Variants in DPP6 observed in about 807,000 individuals in gnomAD.
DPP6 encodes the protein A-type potassium channel modulatory protein DPP6.
Under a neutral mutation model 122.6 loss-of-function variants are expected in DPP6, and 69 were observed. The observed-to-expected ratio is 0.56, with a 90% CI of 0.46 to 0.69. The LOEUF (loss-of-function observed/expected upper bound fraction) is 0.69, where lower values mean the gene tolerates loss of function less well. Among genes scored for constraint, DPP6 ranks in the 30% least tolerant of loss-of-function variants. The pLI is 0.00. For missense variants in DPP6, 928 were observed against 1,116.9 expected (o/e 0.83, Z 2.41); for synonymous variants, 418 against 433.1 (o/e 0.97, Z 0.43).
At chr7:154,414,860 C>T (rs1435099778) in intron 1 of DPP6, among the ~76,000 whole-genome samples, 4 of 152,190 alleles carry the variant, frequency 2.6e-5, no homozygotes, top group Non-Finnish European at 5.9e-5. Context: ...ATACACGAGT[C>T]CAAATCTGAA....
At chr7:154,238,607 G>C (rs1801372871) in intron 1 of DPP6, among the ~76,000 whole-genome samples, 1 of 152,228 alleles carries the variant, frequency 6.6e-6, no homozygotes, top group Non-Finnish European at 1.5e-5. Context: ...GGAAGTAGCA[G>C]AGCTGGGATT....
chr7:154,216,609 C>G (rs1327308872), intron 1 of DPP6, among the ~76,000 whole-genome samples: 1 of 152,144 alleles, frequency 6.6e-6, no homozygotes, highest in African/African-American at 2.4e-5. Context: ...TGATGATCCT[C>G]TCTTCTAAAA....
the DPP6 span, among the ~76,000 whole-genome samples, chr7:153,830,464 C>G: frequency 6.6e-6 from 1 of 152,166 alleles, no homozygotes; most frequent in Non-Finnish European, 1.5e-5. Context: ...GATTAATGGT[C>G]TTAAGAATTT....
chr7:154,529,160 A>T (rs922027815), intron 3 of DPP6, among the ~76,000 whole-genome samples: 1 of 152,240 alleles, frequency 6.6e-6, no homozygotes, highest in African/African-American at 2.4e-5. Context: ...AGGCAGAAAC[A>T]TTGGAAATGA....
intron 15 of DPP6, among the ~76,000 whole-genome samples, chr7:154,805,368 G>A (rs1201999855): frequency 6.6e-6 from 1 of 152,166 alleles, no homozygotes; most frequent in Non-Finnish European, 1.5e-5. Context: ...CGAGGAGGCC[G>A]GCCCTGCTGT....
chr7:154,263,415 A>G (rs1009375441), intron 1 of DPP6, among the ~76,000 whole-genome samples: 2 of 152,230 alleles, frequency 1.3e-5, no homozygotes, highest in Admixed American at 1.3e-4. Flanking sequence ...CCATTTTAGA[A>G]GAAAAATCTG....
At position 154,090,169 on chromosome 7, in the gene DPP6, T is replaced by C. The variant is rs375575685; in HGVS notation, c.243+37106T>C. Among the ~76,000 whole-genome samples, 30 of 145,126 alleles carry C rather than the reference T, an allele frequency of 2.1e-4. 1 individual carries two copies. In the South Asian group the frequency reaches 6.5e-3, roughly 31 times the overall value. ...GGATCTCAGTCTCTGGAGCCATTCGTTGGGTCGTGAGCAGCAAAGTAGCCT... is the reference window on the plus strand; with the variant it reads ...GGATCTCAGTCTCTGGAGCCATTCGCTGGGTCGTGAGCAGCAAAGTAGCCT... On this transcript the variant is annotated intron_variant, in intron 1 of 25. Transcript: ENST00000377770.
intron 1 of DPP6, among the ~76,000 whole-genome samples, chr7:153,990,743 G>C (rs1230226258): frequency 1.3e-5 from 2 of 152,064 alleles, no homozygotes; most frequent in African/African-American, 4.8e-5. Flanking sequence ...TTATAGTGTG[G>C]GGGCCTCAGG....
intron 5 of DPP6, among the ~76,000 whole-genome samples, chr7:154,577,081 G>A (rs1301970498): frequency 6.6e-6 from 1 of 152,078 alleles, no homozygotes; most frequent in African/African-American, 2.4e-5. Flanking sequence ...TATGAAGGAC[G>A]GGTCAAGGGC....
At chr7:154,887,598 G>C in intron 22 of DPP6, 78 bp from the exon 23 acceptor site, 1 of 1,461,188 alleles carries the variant, frequency 6.8e-7, no homozygotes. Flanking sequence ...CCGGTCCAGG[G>C]CCCTCCCTAG....
At chr7:153,863,504 A>T in the DPP6 span, among the ~76,000 whole-genome samples, 1 of 152,078 alleles carries the variant, frequency 6.6e-6, no homozygotes, top group East Asian at 1.9e-4. Context: ...TAGTTTTCAT[A>T]GCATAAATTT....
intron 1 of DPP6, among the ~76,000 whole-genome samples, chr7:153,923,027 G>GT (rs1375428243): frequency 1.3e-5 from 2 of 152,224 alleles, no homozygotes; most frequent in African/African-American, 4.8e-5. Flanking sequence ...CCAGAGCCAC[G>GT]TAGTGAGTGA....
At chr7:154,725,169 C>T (rs1296999070) in intron 7 of DPP6, among the ~76,000 whole-genome samples, 1 of 152,150 alleles carries the variant, frequency 6.6e-6, no homozygotes, top group Admixed American at 6.5e-5. Flanking sequence ...TAGGTGCCCA[C>T]TGCATAATTG....
chr7:154,476,907 CAT>C (rs1822789696), intron 3 of DPP6, among the ~76,000 whole-genome samples: 1 of 152,108 alleles, frequency 6.6e-6, no homozygotes, highest in Non-Finnish European at 1.5e-5. Flanking sequence ...GCCTGGGAAA[CAT>C]GTTGAAACGT....
intron 1 of DPP6, among the ~76,000 whole-genome samples, chr7:153,988,659 C>G (rs1271678824): frequency 6.6e-6 from 1 of 152,208 alleles, no homozygotes; most frequent in African/African-American, 2.4e-5. Context: ...AGGGGTGCTC[C>G]AAGCGGTGCT....
rs73729233 is a variant in DPP6 at position 153,948,020 on chromosome 7, A to G, written c.51+60286A>G. On this transcript the variant is annotated intron_variant, in intron 1 of 25. Transcript: ENST00000404039. Reference sequence around the variant, plus strand: ...TTCCCCTTCTCATAAAGACACTGGCATGTTGGATTAGAGCCATACCGGTGA... The same window carrying G: ...TTCCCCTTCTCATAAAGACACTGGCGTGTTGGATTAGAGCCATACCGGTGA... Among the ~76,000 whole-genome samples the G allele has an allele frequency of 7.4e-3, 1,126 of 152,252 alleles. 15 individuals are homozygous for G. Among genetic ancestry groups the G allele is most frequent in the African/African-American group, 0.024 (1,000 of 41,544 alleles).
rs574698393 is a variant in DPP6, at chr7:154,338,846, A to G, written c.244-107368A>G. 7.2e-5 allele frequency among the ~76,000 whole-genome samples: 11 copies of G among 152,250 alleles called. No homozygotes were observed. In the South Asian group the frequency reaches 1.5e-3, roughly 20 times the overall value. ...TTTTTTCCCTTCTGAACATGACCTGAAAGAAGATGTTGGAACCCCCCTGCA... is the reference window on the plus strand; with the variant it reads ...TTTTTTCCCTTCTGAACATGACCTGGAAGAAGATGTTGGAACCCCCCTGCA... On this transcript the variant is annotated intron_variant, in intron 1 of 25. Coordinates refer to ENST00000377770, the MANE Select transcript of DPP6 (RefSeq NM_130797.4).
chr7:154,371,772 G>A (rs926857009), intron 1 of DPP6, among the ~76,000 whole-genome samples: 9 of 152,110 alleles, frequency 5.9e-5, no homozygotes, highest in African/African-American at 1.9e-4. Flanking sequence ...GTGATTTCAG[G>A]GGTGACAGAA....
At chr7:154,132,583 T>G (rs2150637680) in intron 1 of DPP6, among the ~76,000 whole-genome samples, 1 of 152,272 alleles carries the variant, frequency 6.6e-6, no homozygotes. Flanking sequence ...AGGTCCTCAT[T>G]TCGGTTCAGT....
Sources: gnomAD v4.1 joint callset for allele counts (sites outside exome capture counted in the v4.1 genomes callset) on GRCh38, gnomAD v4.1.1 for gene constraint, MANE v1.5 for transcripts, NCBI Gene and HGNC (gene_info 2026-07-23, HGNC 2026-07-21) for gene names.